The following SLC30A8 variants were observed in gnomAD, a reference collection of about 807,000 sequenced individuals.
SLC30A8 encodes the protein proton-coupled zinc antiporter SLC30A8.
A neutral mutation model predicts 36.9 loss-of-function variants in SLC30A8; 27 were observed. The observed-to-expected ratio is 0.73, with a 90% CI of 0.54 to 1.01. SLC30A8 has a LOEUF of 1.01. Among genes scored for constraint, SLC30A8 ranks in the 50% least tolerant of loss-of-function variants. SLC30A8 has a pLI of 0.00. For synonymous variants in SLC30A8, 164 were observed against 172.4 expected, an observed-to-expected ratio of 0.95 and a Z score of 0.38; for missense variants, 439 against 452.0, an observed-to-expected ratio of 0.97 and a Z score of 0.26.
intron 2 of SLC30A8, among the ~76,000 whole-genome samples, chr8:117,120,417 C>G (rs1273954925): frequency 6.6e-6 from 1 of 151,752 alleles, no homozygotes; most frequent in Non-Finnish European, 1.5e-5. Flanking sequence ...TTACAACATG[C>G]AAAAGAATGA....
intron 2 of SLC30A8, among the ~76,000 whole-genome samples, chr8:117,113,800 T>C (rs1820330893): frequency 6.6e-6 from 1 of 152,144 alleles, no homozygotes; most frequent in South Asian, 2.1e-4. Flanking sequence ...GCATGCTTGG[T>C]TCCCGCCCTC....
At chr8:117,032,431 T>C (rs1230529369) in intron 1 of SLC30A8, among the ~76,000 whole-genome samples, 1 of 152,068 alleles carries the variant, frequency 6.6e-6, no homozygotes, top group African/African-American at 2.4e-5. Context: ...TTATAGAGAC[T>C]GTGAAATTGT....
chr8:117,157,601 A>C (rs1822561037), intron 3 of SLC30A8, 90 bp from the exon 4 acceptor site: 5 of 1,424,876 alleles, frequency 3.5e-6, no homozygotes, highest in Non-Finnish European at 4.8e-6. Flanking sequence ...TTTTGGGGGA[A>C]GTGGCAAAGT....
intron 1 of SLC30A8, among the ~76,000 whole-genome samples, chr8:116,963,211 G>A (rs1024917067): frequency 1.3e-5 from 2 of 152,006 alleles, no homozygotes; most frequent in Non-Finnish European, 2.9e-5. Context: ...GCTGTCAATA[G>A]CCCTCTTAGA....
intron 1 of SLC30A8, among the ~76,000 whole-genome samples, chr8:117,020,332 C>T (rs1348224281): frequency 2.0e-5 from 3 of 151,998 alleles, no homozygotes; most frequent in African/African-American, 4.8e-5. Flanking sequence ...AATTAACTAT[C>T]GTTTTATTCA....
At chr8:117,089,263 A>G (rs1819010495) in intron 2 of SLC30A8, among the ~76,000 whole-genome samples, 1 of 152,152 alleles carries the variant, frequency 6.6e-6, no homozygotes, top group Non-Finnish European at 1.5e-5. Context: ...CTAGCCCCAA[A>G]TTCCATAGCT....
chr8:117,090,397 G>A (rs1819063477), intron 2 of SLC30A8, among the ~76,000 whole-genome samples: 2 of 149,634 alleles, frequency 1.3e-5, no homozygotes, highest in Non-Finnish European at 3.0e-5. Flanking sequence ...TGTCTTTGTT[G>A]TTTGGGCTAC....
At chr8:116,981,815 G>A (rs1483477783) in intron 1 of SLC30A8, among the ~76,000 whole-genome samples, 1 of 152,130 alleles carries the variant, frequency 6.6e-6, no homozygotes, top group Non-Finnish European at 1.5e-5. Context: ...TCCAGTCTAT[G>A]ATTGATGGGC....
chr8:117,051,020 A>C (rs915757914), intron 2 of SLC30A8, among the ~76,000 whole-genome samples: 1 of 152,228 alleles, frequency 6.6e-6, no homozygotes, highest in African/African-American at 2.4e-5. Context: ...AGGTTCTGAG[A>C]AGAGATGTAA....
At chr8:117,143,258 T>C (rs1821741166) in intron 1 of SLC30A8, among the ~76,000 whole-genome samples, 1 of 152,164 alleles carries the variant, frequency 6.6e-6, no homozygotes, top group Non-Finnish European at 1.5e-5. Flanking sequence ...TTTAGAGTAC[T>C]GGCATCAAAT....
intron 4 of SLC30A8, among the ~76,000 whole-genome samples, chr8:117,160,654 A>G (rs1822743813): frequency 6.6e-6 from 1 of 152,244 alleles, no homozygotes; most frequent in African/African-American, 2.4e-5. Context: ...ATGAACACAC[A>G]TGGCAGATCA....
chr8:117,091,568 G>T (rs751182850), intron 2 of SLC30A8, among the ~76,000 whole-genome samples: 12 of 152,242 alleles, frequency 7.9e-5, no homozygotes, highest in Middle Eastern at 3.4e-3. Context: ...TATCTTGGTG[G>T]TAAGGGAAAT....
rs562460124 is a variant in SLC30A8, at chr8:116,965,866, T to C, written c.-266+14747T>C. On this transcript the variant is annotated intron_variant, in intron 1 of 10. Coordinates refer to the SLC30A8 transcript ENST00000427715. ...CTTGCTAGAGGCTCTTCCCTAACAA[T>C]ATTTTTAATTTTTTTTAATTTTTTT... Among the ~76,000 whole-genome samples the C allele has an allele frequency of 2.7e-4, 41 of 151,868 alleles. No homozygotes were observed. In the South Asian group the frequency reaches 7.9e-3, roughly 29 times the overall value.
intron 1 of SLC30A8, among the ~76,000 whole-genome samples, chr8:117,030,566 C>T (rs754177672): frequency 6.6e-5 from 10 of 152,250 alleles, no homozygotes; most frequent in Non-Finnish European, 1.5e-4. Context: ...GAATAAACTT[C>T]TGCCTGGGTG....
Position 117,173,821 on chromosome 8 carries a change from A to G in SLC30A8, c.*1140A>G, listed in dbSNP as rs1318869579. 1.3e-5 allele frequency: 2 copies of G among 152,190 alleles called. No individual in the cohort carries two copies. The highest frequency in any genetic ancestry group is 2.9e-5 in the Non-Finnish European group (2 of 68,020). The allele number at this position is 152,190 out of a possible 1,614,324, so 9.4% of individuals were successfully genotyped here. ...AGTTCATTGAGTGGGACAGCTAGAC[A>G]CATACATTGGCAGCTACAATAGTAT... On this transcript the variant is annotated 3_prime_UTR_variant, in exon 8 of 8. Coordinates refer to ENST00000456015, the MANE Select transcript of SLC30A8 (RefSeq NM_173851.3).
chr8:117,138,843 A>G (rs979987100), intron 1 of SLC30A8, among the ~76,000 whole-genome samples: 2 of 152,018 alleles, frequency 1.3e-5, no homozygotes, highest in African/African-American at 2.4e-5. Context: ...GCTCTGGTGC[A>G]GTGGTGTAAA....
At chr8:117,095,708 A>G (rs1207277858) in intron 2 of SLC30A8, among the ~76,000 whole-genome samples, 1 of 152,178 alleles carries the variant, frequency 6.6e-6, no homozygotes, top group East Asian at 1.9e-4. Context: ...CAGGTATGCA[A>G]TATTTATTGA....
rs575647427 is a variant in SLC30A8, at chr8:116,984,519, G to A, written c.-266+33400G>A. ...TTAGCTATTCTGATAGTTGTGTAAT[G>A]ATGTCTCATTGGGGTTTTAATTTGC... On this transcript the variant is annotated intron_variant, in intron 1 of 10. Coordinates refer to the SLC30A8 transcript ENST00000427715. 8.7e-4 allele frequency among the ~76,000 whole-genome samples: 133 copies of A among 152,240 alleles called. 2 individuals carry two copies. Among genetic ancestry groups the A allele is most frequent in the African/African-American group, 2.9e-3 (119 of 41,560 alleles).
intron 2 of SLC30A8, among the ~76,000 whole-genome samples, chr8:117,101,271 C>T (rs1426246406): frequency 1.3e-5 from 2 of 152,114 alleles, no homozygotes; most frequent in African/African-American, 4.8e-5. Flanking sequence ...TTATCTTGCA[C>T]ACCAAAAATA....
Sources: allele counts gnomAD v4.1 joint callset (sites outside exome capture counted in the v4.1 genomes callset), GRCh38; gene constraint gnomAD v4.1.1; transcripts MANE v1.5; gene names NCBI Gene and HGNC (gene_info 2026-07-23, HGNC 2026-07-21).